ZNF324: variants seen among roughly 807,000 people sequenced by gnomAD.
The protein encoded by ZNF324 is zinc finger protein 324A.
In ZNF324, 3 loss-of-function variants were observed where a neutral mutation model predicts 10.3. That is an observed-to-expected ratio of 0.29 (90% CI 0.13 to 0.75). The LOEUF is 0.75. Among genes scored for constraint, ZNF324 ranks in the 30% least tolerant of loss-of-function variants. ZNF324 has a pLI of 0.69. For synonymous variants in ZNF324, 430 were observed against 339.5 expected (o/e 1.27, Z -2.93); for missense variants, 763 against 784.4 (o/e 0.97, Z 0.33).
intron 1 of ZNF324, chr19:58,467,587 A>T (rs1223829403): frequency 6.6e-6 from 1 of 152,532 alleles, no homozygotes; most frequent in Non-Finnish European, 1.5e-5. Flanking sequence ...GACCTCGCCT[A>T]GTCGTCTTTC....
In ZNF324 at chr19:58,469,784, T is replaced by C. The variant is rs779267182; in HGVS notation, c.178T>C (p.Trp60Arg). The C allele has an allele frequency of 6.3e-6, 10 of 1,598,614 alleles. No individual in the cohort carries two copies. The highest frequency in any genetic ancestry group is 1.3e-5 in the African/African-American group (1 of 74,762). ...VIQLERGEEPWVPSGTDTTLS... is the reference protein window; with the variant it reads ...VIQLERGEEPRVPSGTDTTLS... ...CCAACTGGAGCGTGGCGAGGAGCCC[T>C]GGGTTCCCAGTGGAACGGACACAAC... Residue 60 changes from tryptophan to arginine, a missense_variant, in exon 3 of 4, where the codon TGG becomes CGG. Trp to Arg is a moderately radical substitution (Grantham distance 101, BLOSUM62 -3). Around this residue, in one of 3 missense-constraint regions of ZNF324, gnomAD observed 379 missense variants for 319.4 expected, o/e 1.19. Transcript: ENST00000196482.
At position 58,471,377 on chromosome 19, in the gene ZNF324, C is replaced by T. The variant is rs1269562247; in HGVS notation, c.885C>T (p.Ser295=). The part of the protein sequence containing the change: ...YECAQCGKAF[S]QTSHLTQHQR... Reference sequence around the variant, plus strand: ...GCGCCCAGTGCGGCAAGGCCTTCAGCCAGACGTCGCACTTGACGCAGCACC... The same window carrying T: ...GCGCCCAGTGCGGCAAGGCCTTCAGTCAGACGTCGCACTTGACGCAGCACC... Residue 295 remains serine (S), a synonymous_variant, in exon 4 of 4, where the codon AGC becomes AGT. Transcript: ENST00000196482. 6.2e-7 allele frequency: 1 copy of T among 1,613,862 alleles called. No individual in the cohort carries two copies. Among genetic ancestry groups the T allele is most frequent in the Non-Finnish European group, 8.5e-7 (1 of 1,179,962 alleles).
In ZNF324 at chr19:58,474,815, A is replaced by T. The variant is rs1209000291; in HGVS notation, c.*2661A>T. On this transcript the variant is annotated 3_prime_UTR_variant, in exon 4 of 4. Coordinates refer to ENST00000196482, the MANE Select transcript of ZNF324 (RefSeq NM_014347.3). The stretch of plus-strand genomic sequence containing the variant: ...TGACAGAGGAGTCAGGAGCAATGGC[A>T]TTCCTAAGCTAGAAGTGGGTGAGAG... 3.3e-5 allele frequency: 5 copies of T among 152,336 alleles called. No homozygotes were observed. The highest frequency in any genetic ancestry group is 7.2e-5 in the African/African-American group (3 of 41,444). 9.4% of individuals were successfully genotyped at this position (152,336 alleles called of 1,614,324 possible).
At chr19:58,470,684 TCTC>T (rs749104122) in intron 3 of ZNF324, 44 bp from the exon 4 acceptor site, 20 of 1,612,152 alleles carry the variant, frequency 1.2e-5, no homozygotes, top group Admixed American at 6.7e-5. Context: ...GCCCTGGTCC[TCTC>T]CTAACCAGGA....
At chr19:58,470,332 C>G (rs916720466) in intron 3 of ZNF324, among the ~76,000 whole-genome samples, 17 of 134,404 alleles carry the variant, frequency 1.3e-4, no homozygotes, top group African/African-American at 4.8e-4. Context: ...GTCTAGAGCA[C>G]TGGATGGAGG....
chr19:58,471,147 C>G lies in ZNF324; in HGVS notation c.655C>G (p.Arg219Gly). ...SAQDLEAAGG[R>G]GHHRMGAVWQ... ...CCAGGACCTGGAGGCTGCCGGCGGTCGGGGACATCACCGAATGGGTGCAGT... is the reference window on the plus strand; with the variant it reads ...CCAGGACCTGGAGGCTGCCGGCGGTGGGGGACATCACCGAATGGGTGCAGT... The change falls in exon 4 of 4, where the codon CGG becomes GGG. Residue 219 changes from arginine to glycine, a missense_variant. By Grantham distance (125) the Arg-to-Gly change is moderately radical. Transcript: ENST00000196482. 2 of 1,613,734 alleles carry G rather than the reference C, an allele frequency of 1.2e-6. No individual in the cohort carries two copies. The highest frequency in any genetic ancestry group is 1.7e-6 in the Non-Finnish European group (2 of 1,180,036).
intron 3 of ZNF324, 70 bp from the exon 4 acceptor site, chr19:58,470,661 G>A (rs765891444): frequency 1.9e-6 from 3 of 1,599,000 alleles, no homozygotes; most frequent in South Asian, 2.2e-5. Context: ...CTTCTTGCCT[G>A]TCCACTCAGC....
chr19:58,474,123 C>T lies in ZNF324; in HGVS notation c.*1969C>T, dbSNP rs991368976. On this transcript the variant is annotated 3_prime_UTR_variant, in exon 4 of 4. Coordinates refer to ENST00000196482, the MANE Select transcript of ZNF324 (RefSeq NM_014347.3). ...TTCCACCTGTGAAACCTCACAGGTT[C>T]CTGCAGGGAGTGGAGACACACAGAA... 6.6e-6 allele frequency: 1 copy of T among 152,264 alleles called. No homozygotes were observed. Among genetic ancestry groups the T allele is most frequent in the Non-Finnish European group, 1.5e-5 (1 of 68,066 alleles). The allele number at this position is 152,264 out of a possible 1,614,324, so 9.4% of individuals were successfully genotyped here.
In ZNF324 at chr19:58,471,319, T is replaced by C. The variant is rs2053030495; in HGVS notation, c.827T>C (p.Leu276Pro). 6.2e-7 allele frequency: 1 copy of C among 1,613,840 alleles called. No homozygotes were observed. The highest frequency in any genetic ancestry group is 1.1e-5 in the South Asian group (1 of 91,088). The change falls in exon 4 of 4, where the codon CTA becomes CCA. Residue 276 changes from leucine to proline, a missense_variant. By Grantham distance (98) the Leu-to-Pro change is moderately conservative. This residue lies in a region of ZNF324 where 153 missense variants were observed against 269.0 expected (regional missense o/e 0.57). Coordinates refer to ENST00000196482, the MANE Select transcript of ZNF324 (RefSeq NM_014347.3). The part of the protein sequence containing the change: ...FVKSSDLLKH[L>P]RTHTGERPYE... ...AAGAGCTCCGACCTCCTCAAGCACC[T>C]ACGCACCCACACCGGGGAGCGGCCC...
At position 58,474,249 on chromosome 19, in the gene ZNF324, A is replaced by G. The variant is rs2053062444; in HGVS notation, c.*2095A>G. On this transcript the variant is annotated 3_prime_UTR_variant, in exon 4 of 4. Transcript: ENST00000196482. ...GTCTGCAGAGCTGTGAAATGCAGAC[A>G]ATAACCCTTCCCTGCCTGAAAGAGC... The G allele has an allele frequency of 6.6e-6, 1 of 152,270 alleles. No homozygotes were observed. Among genetic ancestry groups the G allele is most frequent in the Admixed American group, 6.5e-5 (1 of 15,290 alleles). The allele number at this position is 152,270 out of a possible 1,614,324, so 9.4% of individuals were successfully genotyped here. A position where few individuals can be genotyped will look rare whatever the true frequency, so the allele number is the denominator to read the frequency against.
chr19:58,472,056 T>G lies in ZNF324; in HGVS notation c.1564T>G (p.Ser522Ala), dbSNP rs965017648. The change falls in exon 4 of 4, where the codon TCT becomes GCT. Residue 522 changes from serine (S) to alanine (A), a missense_variant. By Grantham distance (99) the Ser-to-Ala change is moderately conservative (BLOSUM62 1). Coordinates refer to ENST00000196482, the MANE Select transcript of ZNF324 (RefSeq NM_014347.3). ...GGCCAGCCTGCACCCCCAGGCCAGGTCTGTTGCCGGGGCATCATCAGAAGG... is the reference window on the plus strand; with the variant it reads ...GGCCAGCCTGCACCCCCAGGCCAGGGCTGTTGCCGGGGCATCATCAGAAGG... ...SRASLHPQAR[S>A]VAGASSEGAP... 2 of 1,605,412 alleles carry G rather than the reference T, an allele frequency of 1.2e-6. No homozygotes were observed. Among genetic ancestry groups the G allele is most frequent in the South Asian group, 2.2e-5 (2 of 91,060 alleles).
rs2053044797 is a variant in ZNF324 at position 58,472,379 on chromosome 19, G to A, written c.*225G>A. 2 of 565,920 alleles carry A rather than the reference G, an allele frequency of 3.5e-6. No individual in the cohort carries two copies. The highest frequency in any genetic ancestry group is 6.2e-6 in the Non-Finnish European group (2 of 322,426). 35.1% of individuals were successfully genotyped at this position (565,920 alleles called of 1,614,324 possible). A position where few individuals can be genotyped will look rare whatever the true frequency, so the allele number is the denominator to read the frequency against. On this transcript the variant is annotated 3_prime_UTR_variant, in exon 4 of 4. Transcript: ENST00000196482. The stretch of plus-strand genomic sequence containing the variant: ...TAGCACTGCAGCAACATCAGGGGGA[G>A]GACGTGGTGGCTGAACTCTAGTGGG...
In ZNF324 at chr19:58,471,908, G is replaced by A. The variant is rs1266080802; in HGVS notation, c.1416G>A (p.Arg472=). 2 of 1,610,638 alleles carry A rather than the reference G, an allele frequency of 1.2e-6. No individual in the cohort carries two copies. Among genetic ancestry groups the A allele is most frequent in the Non-Finnish European group, 1.7e-6 (2 of 1,179,208 alleles). Residue 472 remains arginine, a synonymous_variant, in exon 4 of 4, where the codon CGG becomes CGA. Coordinates refer to ENST00000196482, the MANE Select transcript of ZNF324 (RefSeq NM_014347.3). ...AGGGCGCCGTGCTGCTCAGCCACCG[G>A]CGCATTCACACGGGCGAGAAGCCCT... is the stretch of plus-strand genomic sequence containing the variant. ...FAKGAVLLSH[R]RIHTGEKPFV...
rs561338859 is a variant in ZNF324, at chr19:58,468,203, G to A, written c.-6-977G>A. 60 of 985,378 alleles carry A rather than the reference G, an allele frequency of 6.1e-5. No individual in the cohort carries two copies. The African/African-American group carries it at 1.0e-3, about 17-fold the overall frequency. The allele number at this position is 985,378 out of a possible 1,614,324, so 61.0% of individuals were successfully genotyped here. A position where few individuals can be genotyped will look rare whatever the true frequency, so the allele number is the denominator to read the frequency against. On this transcript the variant is annotated intron_variant, in intron 1 of 3. Transcript: ENST00000196482. ...GATGTCCCAGGTTGGTCATGTCACT[G>A]GACCTGACGTTGTTGGCGTCCTGGG...
At chr19:58,468,013 A>G (rs1264303347) in intron 1 of ZNF324, among the ~76,000 whole-genome samples, 1 of 151,964 alleles carries the variant, frequency 6.6e-6, no homozygotes, top group Non-Finnish European at 1.5e-5. Context: ...GTGGGCGACC[A>G]GGTGAATTCT....
rs977006609 is a variant in ZNF324, at chr19:58,470,882, A to C, written c.390A>C (p.Pro130=). 1 of 1,614,016 alleles carries C rather than the reference A, an allele frequency of 6.2e-7. No homozygotes were observed. Among genetic ancestry groups the C allele is most frequent in the African/African-American group, 1.3e-5 (1 of 74,912 alleles). The change falls in exon 4 of 4, where the codon CCA becomes CCC. Residue 130 remains proline, a synonymous_variant. Coordinates refer to ENST00000196482, the MANE Select transcript of ZNF324 (RefSeq NM_014347.3). ...KSLQRQRGAS[P]SRERKPTGVS... Reference sequence around the variant, plus strand: ...TGCAGAGACAACGGGGTGCCTCCCCATCTCGGGAGAGAAAACCCACGGGGG... The same window carrying C: ...TGCAGAGACAACGGGGTGCCTCCCCCTCTCGGGAGAGAAAACCCACGGGGG...
rs1374408456 is a variant in ZNF324, at chr19:58,472,198, G to T, written c.*44G>T. On this transcript the variant is annotated 3_prime_UTR_variant, in exon 4 of 4. Transcript: ENST00000196482. ...TGGCCTTCTGTGAATCCCTTCCACA[G>T]CTAAAGGGCATATGTCCTCTGCAGA... is the stretch of plus-strand genomic sequence containing the variant. The T allele has an allele frequency of 2.6e-6, 4 of 1,514,972 alleles. No homozygotes were observed. Among genetic ancestry groups the T allele is most frequent in the Non-Finnish European group, 2.7e-6 (3 of 1,131,094 alleles). The allele number at this position is 1,514,972 out of a possible 1,614,324, so 93.8% of individuals were successfully genotyped here. A position where few individuals can be genotyped will look rare whatever the true frequency, so the allele number is the denominator to read the frequency against.
In ZNF324 at chr19:58,472,541, A is replaced by C; in HGVS notation, c.*387A>C. The C allele has an allele frequency of 5.0e-6, 1 of 198,704 alleles. No individual in the cohort carries two copies. Among genetic ancestry groups the C allele is most frequent in the Non-Finnish European group, 1.0e-5 (1 of 97,620 alleles). The allele number at this position is 198,704 out of a possible 1,614,324, so 12.3% of individuals were successfully genotyped here. ...TGGGGGTGGCCCAGAGAAACTTATGACAGCTGTACACAAACTGGCCGCTGG... is the reference window on the plus strand; with the variant it reads ...TGGGGGTGGCCCAGAGAAACTTATGCCAGCTGTACACAAACTGGCCGCTGG... On this transcript the variant is annotated 3_prime_UTR_variant, in exon 4 of 4. Transcript: ENST00000196482.
rs781551969 is a variant in ZNF324 at position 58,471,087 on chromosome 19, G to A, written c.595G>A (p.Ala199Thr). The A allele has an allele frequency of 8.7e-6, 14 of 1,613,768 alleles. No individual in the cohort carries two copies. Among genetic ancestry groups the A allele is most frequent in the Admixed American group, 1.7e-5 (1 of 60,006 alleles). The change falls in exon 4 of 4, where the codon GCA becomes ACA. Residue 199 changes from alanine to threonine, a missense_variant. By Grantham distance (58) the Ala-to-Thr change is moderately conservative. Transcript: ENST00000196482. ...GACGCCTGAGCGGCAGAAACCATGT[G>A]CACAGGAGGTCCCTGGGAGAACCTT... Reference protein sequence around the residue: ...PRTPERQKPCAQEVPGRTFGS... With the variant: ...PRTPERQKPCTQEVPGRTFGS...
Sources: gnomAD v4.1 joint callset for allele counts (sites outside exome capture counted in the v4.1 genomes callset) on GRCh38, gnomAD v4.1.1 for gene constraint, gnomAD v4.1.1 regional missense constraint, MANE v1.5 for transcripts, NCBI Gene and HGNC (gene_info 2026-07-23, HGNC 2026-07-21) for gene names.